ELF2: variants seen among roughly 807,000 people sequenced by gnomAD.
The protein encoded by ELF2 is ETS-related transcription factor Elf-2.
In ELF2, 11 loss-of-function variants were observed where a neutral mutation model predicts 54.8. The observed-to-expected ratio is 0.20, with a 90% CI of 0.13 to 0.33. The LOEUF (loss-of-function observed/expected upper bound fraction) is 0.33. Ranked by LOEUF, ELF2 falls within the 10% of genes least tolerant of loss-of-function variation. The probability of loss-of-function intolerance (pLI) is 1.00; values close to 1 mark genes in which losing one functional copy is unlikely to be tolerated. For missense variants in ELF2, 513 were observed against 703.0 expected (o/e 0.73, Z 3.06); for synonymous variants, 203 against 245.1 (o/e 0.83, Z 1.61).
intron 4 of ELF2, among the ~76,000 whole-genome samples, chr4:139,091,838 A>G (rs1732606888): frequency 6.6e-6 from 1 of 151,926 alleles, no homozygotes; most frequent in African/African-American, 2.4e-5. Flanking sequence ...TGACATTGAA[A>G]AGATTAATAA....
chr4:139,165,743 G>C (rs1045972762), intron 1 of ELF2, among the ~76,000 whole-genome samples: 1 of 152,166 alleles, frequency 6.6e-6, no homozygotes, highest in Non-Finnish European at 1.5e-5. Context: ...CCTTCTCAAA[G>C]ATTTCTGAAA....
chr4:139,177,881 A>G (rs1034457396), upstream of ELF2, among the ~76,000 whole-genome samples: 27 of 152,094 alleles, frequency 1.8e-4, no homozygotes, highest in African/African-American at 6.3e-4. Context: ...CGGTCTTTCC[A>G]GTTCCCACTC....
chr4:139,155,916 T>C (rs1419932742), intron 1 of ELF2, among the ~76,000 whole-genome samples: 1 of 152,184 alleles, frequency 6.6e-6, no homozygotes, highest in East Asian at 1.9e-4. Context: ...TGTTTAAAAA[T>C]GATGCTAGAA....
At chr4:139,105,736 T>TA (rs1000264987) in intron 4 of ELF2, among the ~76,000 whole-genome samples, 15 of 152,138 alleles carry the variant, frequency 9.9e-5, no homozygotes, top group South Asian at 6.2e-4. Flanking sequence ...AAAGAAATGA[T>TA]AAAAAAATTG....
At chr4:139,083,075 A>G (rs1731363657) in intron 4 of ELF2, among the ~76,000 whole-genome samples, 1 of 151,978 alleles carries the variant, frequency 6.6e-6, no homozygotes, top group Non-Finnish European at 1.5e-5. Flanking sequence ...GCCCCCAGAA[A>G]TCAACGTTCT....
chr4:139,170,895 G>A (rs912068943), intron 1 of ELF2, among the ~76,000 whole-genome samples: 1 of 151,694 alleles, frequency 6.6e-6, no homozygotes, highest in Non-Finnish European at 1.5e-5. Context: ...ACAGGCATGC[G>A]CCACCACCTC....
intron 4 of ELF2, among the ~76,000 whole-genome samples, chr4:139,094,882 T>C (rs1361876048): frequency 2.0e-5 from 3 of 152,172 alleles, no homozygotes; most frequent in Non-Finnish European, 4.4e-5. Context: ...TGTTTTGTTT[T>C]TGTTTTTTTA....
At chr4:139,158,613 G>A (rs1740787633) in intron 1 of ELF2, among the ~76,000 whole-genome samples, 1 of 152,124 alleles carries the variant, frequency 6.6e-6, no homozygotes, top group South Asian at 2.1e-4. Flanking sequence ...CATATAGAAT[G>A]ATTGGTGATG....
chr4:139,082,948 T>TC (rs1731334534), intron 4 of ELF2, among the ~76,000 whole-genome samples: 2 of 152,104 alleles, frequency 1.3e-5, no homozygotes, highest in Admixed American at 1.3e-4. Flanking sequence ...GCGCCGCACA[T>TC]CCCCCACCCC....
chr4:139,161,955 G>T (rs1741213545), intron 1 of ELF2, among the ~76,000 whole-genome samples: 1 of 152,170 alleles, frequency 6.6e-6, no homozygotes, highest in Non-Finnish European at 1.5e-5. Context: ...TTAGCTGGGT[G>T]TGGTGGTGGA....
chr4:139,157,772 A>G (rs1233860419), intron 1 of ELF2, among the ~76,000 whole-genome samples: 24 of 152,202 alleles, frequency 1.6e-4, no homozygotes, highest in Non-Finnish European at 2.9e-5. Flanking sequence ...TCAACCAAAG[A>G]ACTAGACTAG....
intron 7 of ELF2, chr4:139,065,868 T>G (rs1176014195): frequency 6.6e-6 from 1 of 152,182 alleles, no homozygotes; most frequent in African/African-American, 2.4e-5. Flanking sequence ...ATGTTAACTT[T>G]TAAAGTTTTC....
intron 1 of ELF2, among the ~76,000 whole-genome samples, chr4:139,171,200 C>A (rs1212918424): frequency 6.6e-6 from 1 of 152,040 alleles, no homozygotes; most frequent in Non-Finnish European, 1.5e-5. Context: ...GTAGCCTGGG[C>A]AATGCAGTGA....
intron 3 of ELF2, among the ~76,000 whole-genome samples, chr4:139,136,349 T>C (rs1395017252): frequency 6.6e-6 from 1 of 152,036 alleles, no homozygotes; most frequent in Non-Finnish European, 1.5e-5. Flanking sequence ...AGACCTTCAC[T>C]TTATCCTATT....
At chr4:139,101,821 A>G (rs1306085659) in intron 4 of ELF2, 2 of 152,212 alleles carry the variant, frequency 1.3e-5, no homozygotes, top group African/African-American at 4.8e-5. Flanking sequence ...TCTTGTCTCA[A>G]GTAAATAACT....
rs1041766408 is a variant in ELF2, at chr4:139,069,862, T to A, written c.526+2004A>T. On this transcript the variant is annotated intron_variant, in intron 6 of 9. Coordinates refer to ENST00000686138, the MANE Select transcript of ELF2 (RefSeq NM_001331036.3). ...TGGTTACATGTATTTTTTTTTTTTC[T>A]TTGAGACAGGGTCTCACTCTGTCGC... 2.7e-5 allele frequency among the ~76,000 whole-genome samples: 4 copies of A among 150,484 alleles called. No individual in the cohort carries two copies. In the South Asian group the frequency reaches 6.3e-4, roughly 24 times the overall value.
At chr4:139,121,095 ATTTTTTTTTTTTTTTTT>A (rs10711256) in intron 4 of ELF2, among the ~76,000 whole-genome samples, 4 of 65,084 alleles carry the variant, frequency 6.1e-5, no homozygotes, top group East Asian at 3.8e-4. Flanking sequence ...TATAACACAG[ATTTTTTTTTTTTTTTTT>A]TTTTTTTTTT....
chr4:139,102,562 C>T lies in ELF2; in HGVS notation c.238+22602G>A, dbSNP rs1192691977. ...CTCAAAAAAAAAAGGAAGTATCGGC[C>T]GGGCATGCTGGCTCACGCCAGAATT... On this transcript the variant is annotated intron_variant, in intron 4 of 9. Transcript: ENST00000686138. Among the ~76,000 whole-genome samples, 11 of 149,018 alleles carry T rather than the reference C, an allele frequency of 7.4e-5. No individual in the cohort carries two copies. The East Asian group carries it at 1.4e-3, about 19-fold the overall frequency.
chr4:139,082,356 C>A (rs1304270636), intron 4 of ELF2, among the ~76,000 whole-genome samples: 1 of 152,112 alleles, frequency 6.6e-6, no homozygotes, highest in Non-Finnish European at 1.5e-5. Context: ...TAGTAATGGA[C>A]AATATATACA....
Sources: allele counts gnomAD v4.1 joint callset (sites outside exome capture counted in the v4.1 genomes callset), GRCh38; gene constraint gnomAD v4.1.1; transcripts MANE v1.5; gene names NCBI Gene and HGNC (gene_info 2026-07-23, HGNC 2026-07-21).